COMT: variants seen among roughly 807,000 people sequenced by gnomAD.
COMT encodes the protein catechol-O-methyltransferase.
Under a neutral mutation model 18.9 loss-of-function variants are expected in COMT, and 13 were observed. The observed-to-expected ratio is 0.69, with a 90% CI of 0.45 to 1.09. The LOEUF (loss-of-function observed/expected upper bound fraction) is 1.09, where lower values mean the gene tolerates loss of function less well. Among genes scored for constraint, COMT ranks in the 50% least tolerant of loss-of-function variants. The pLI, the probability that COMT is intolerant of heterozygous loss-of-function variation, is 0.00. For synonymous variants in COMT, 150 were observed against 160.9 expected (o/e 0.93, Z 0.51); for missense variants, 329 against 361.8 (o/e 0.91, Z 0.73).
Position 19,961,445 on chromosome 22 carries a change from C to A in COMT, c.-1+156C>A, listed in dbSNP as rs557432323. On this transcript the variant is annotated intron_variant, in intron 2 of 5. Coordinates refer to ENST00000361682, the MANE Select transcript of COMT (RefSeq NM_000754.4). ...AGAAGCCTGGTGTCCGCATGACCTC[C>A]CCCTAGGGCGGAGCCTCTGCTTCCC... Among the ~76,000 whole-genome samples the A allele has an allele frequency of 1.2e-4, 19 of 152,334 alleles. No individual in the cohort carries two copies. In the East Asian group the frequency reaches 3.7e-3, roughly 29 times the overall value.
chr22:19,967,067 G>T, intron 5 of COMT: 1 of 1,221,330 alleles, frequency 8.2e-7, no homozygotes. Flanking sequence ...TTCCCCTCTT[G>T]ACCAGTTTCG....
chr22:19,962,816 G>A lies in COMT; in HGVS notation c.289+1G>A. On this transcript the variant is annotated splice_donor_variant, in intron 3 of 5. Transcript: ENST00000361682. LOFTEE classifies it high-confidence loss of function. ...GCCATGAACGTGGGCGACAAGAAAG[G>A]TGGGGTCCGGGCCAGCAGGTGCTCA... The A allele has an allele frequency of 1.9e-6, 3 of 1,602,120 alleles. No homozygotes were observed. In the South Asian group the frequency reaches 3.3e-5, roughly 18 times the overall value.
chr22:19,943,903 G>T (rs1218849197), intron 1 of COMT, among the ~76,000 whole-genome samples: 4 of 28,200 alleles, frequency 1.4e-4, no homozygotes, highest in Non-Finnish European at 3.0e-4. Context: ...GGAGCTGGAG[G>T]GGGGGTCTTC....
chr22:19,966,669 G>A (rs537415012), intron 5 of COMT, among the ~76,000 whole-genome samples: 54 of 152,150 alleles, frequency 3.5e-4, no homozygotes, highest in African/African-American at 1.3e-3. Context: ...TCAAACTCCT[G>A]GCCTCAAGCG....
Position 19,962,553 on chromosome 22 carries a change from G to C in COMT, c.27G>C (p.Leu9Phe). MPEAPPLL[L>F]AAVLLGLVLL... is the part of the protein sequence containing the mutation. ...TGCCGGAGGCCCCGCCTCTGCTGTT[G>C]GCAGCTGTGTTGCTGGGCCTGGTGC... The change falls in exon 3 of 6, where the codon TTG (leucine) becomes TTC (phenylalanine). Residue 9 changes from leucine to phenylalanine, a missense_variant. Coordinates refer to ENST00000361682, the MANE Select transcript of COMT (RefSeq NM_000754.4). 7.1e-7 allele frequency: 1 copy of C among 1,398,990 alleles called. No homozygotes were observed. The highest frequency in any genetic ancestry group is 9.5e-7 in the Non-Finnish European group (1 of 1,049,586). 86.7% of individuals were successfully genotyped at this position (1,398,990 alleles called of 1,614,324 possible).
chr22:19,943,189 C>G (rs1419574004), intron 1 of COMT, among the ~76,000 whole-genome samples: 1 of 152,148 alleles, frequency 6.6e-6, no homozygotes, highest in Non-Finnish European at 1.5e-5. Context: ...TGTCAGCACT[C>G]CCCCTGTGCA....
Position 19,941,916 on chromosome 22 carries a change from C to A in COMT, c.-92+19C>A. Reference sequence around the variant, plus strand: ...GGGAGAGGTGAGAGCGCTGGCTAGACCGGGGCCGAATGCGGCCGGATTCGG... The same window carrying A: ...GGGAGAGGTGAGAGCGCTGGCTAGAACGGGGCCGAATGCGGCCGGATTCGG... On this transcript the variant is annotated intron_variant, in intron 1 of 5. Transcript: ENST00000361682. The A allele has an allele frequency of 8.5e-7, 1 of 1,175,306 alleles. No homozygotes were observed. Among genetic ancestry groups the A allele is most frequent in the Admixed American group, 4.1e-5 (1 of 24,264 alleles). 72.8% of individuals were successfully genotyped at this position (1,175,306 alleles called of 1,614,324 possible). A position where few individuals can be genotyped will look rare whatever the true frequency, so the allele number is the denominator to read the frequency against.
chr22:19,953,166 C>T (rs987595805), intron 1 of COMT, among the ~76,000 whole-genome samples: 6 of 151,906 alleles, frequency 3.9e-5, no homozygotes, highest in Non-Finnish European at 5.9e-5. Context: ...ATGGCCTGGG[C>T]GCTGGGGGTG....
intron 1 of COMT, among the ~76,000 whole-genome samples, chr22:19,951,846 G>A (rs556436120): frequency 1.3e-5 from 2 of 152,338 alleles, no homozygotes; most frequent in South Asian, 2.1e-4. Flanking sequence ...GGTTTGCCAC[G>A]GGGGCTTACT....
At chr22:19,946,824 C>T (rs887856980) in intron 1 of COMT, among the ~76,000 whole-genome samples, 1 of 150,034 alleles carries the variant, frequency 6.7e-6, no homozygotes, top group African/African-American at 2.5e-5. Context: ...GAACTTTATA[C>T]AATATCTGGA....
rs750684179 is a variant in COMT, at chr22:19,962,682, T to C, written c.156T>C (p.Gly52=). 119 of 1,613,008 alleles carry C rather than the reference T, an allele frequency of 7.4e-5. No individual in the cohort carries two copies. The highest frequency in any genetic ancestry group is 1.0e-4 in the Non-Finnish European group (118 of 1,179,832). The change falls in exon 3 of 6, where the codon GGT becomes GGC. Residue 52 remains glycine (G), a synonymous_variant. Coordinates refer to ENST00000361682, the MANE Select transcript of COMT (RefSeq NM_000754.4). ...AGCCCATCCACAACCTGCTCATGGGTGACACCAAGGAGCAGCGCATCCTGA... is the reference window on the plus strand; with the variant it reads ...AGCCCATCCACAACCTGCTCATGGGCGACACCAAGGAGCAGCGCATCCTGA... The part of the protein sequence containing the change: ...ILQPIHNLLM[G]DTKEQRILNH...
rs201888007 is a variant in COMT, at chr22:19,953,002, AAAT to A, written c.-91-8194_-91-8192del. The stretch of plus-strand genomic sequence containing the variant: ...TAAATAAATAAATAAATAAATAAAT[AAAT>A]AAAATGAAGCAGCAGCAGCTTTGTT... On this transcript the variant is annotated intron_variant, in intron 1 of 5. Coordinates refer to ENST00000361682, the MANE Select transcript of COMT (RefSeq NM_000754.4). Among the ~76,000 whole-genome samples the A allele has an allele frequency of 6.3e-4, 26 of 41,182 alleles. No homozygotes were observed. In the East Asian group the frequency reaches 0.012, roughly 19 times the overall value. The allele number at this position is 41,182 out of a possible 152,430, so 27.0% of individuals were successfully genotyped here.
rs1942202617 is a variant in COMT at position 19,962,013 on chromosome 22, G to A, written c.1-514G>A. 3 of 183,008 alleles carry A rather than the reference G, an allele frequency of 1.6e-5. No individual in the cohort carries two copies. In the South Asian group the frequency reaches 3.5e-4, roughly 21 times the overall value. 11.3% of individuals were successfully genotyped at this position (183,008 alleles called of 1,614,324 possible). On this transcript the variant is annotated intron_variant, in intron 2 of 5. Transcript: ENST00000361682. ...CAGTGTCCTTACTTGGACACTCAAT[G>A]AAAAGGCCACATGAATCCCTGGGGC...
intron 1 of COMT, among the ~76,000 whole-genome samples, chr22:19,946,938 CAG>C (rs780348435): frequency 9.8e-6 from 1 of 101,872 alleles, no homozygotes; most frequent in Non-Finnish European, 1.8e-5. Context: ...TTTTTTGAGA[CAG>C]AGTCCCACTG....
At chr22:19,964,617 G>T (rs1942293588) in intron 5 of COMT, 1 of 599,558 alleles carries the variant, frequency 1.7e-6, no homozygotes, top group East Asian at 2.8e-5. Flanking sequence ...AACGGCACAG[G>T]ACCAAGGAGA....
In COMT at chr22:19,963,944, T is replaced by C. The variant is rs910454249; in HGVS notation, c.483+185T>C. ...GACCCCCCCAGCAGCTCAGTGAGGG[T>C]CTCACAGCTCTGGGTAAACTGCCAA... On this transcript the variant is annotated intron_variant, in intron 4 of 5. Coordinates refer to ENST00000361682, the MANE Select transcript of COMT (RefSeq NM_000754.4). The C allele has an allele frequency of 8.7e-6, 10 of 1,146,500 alleles. No homozygotes were observed. The African/African-American group carries it at 1.4e-4, about 16-fold the overall frequency. The allele number at this position is 1,146,500 out of a possible 1,614,324, so 71.0% of individuals were successfully genotyped here. A position where few individuals can be genotyped will look rare whatever the true frequency, so the allele number is the denominator to read the frequency against.
At position 19,969,936 on chromosome 22, in the gene COMT, T is replaced by G. The variant is rs1942652513; in HGVS notation, c.*1200T>G. On this transcript the variant is annotated 3_prime_UTR_variant, in exon 6 of 6. Transcript: ENST00000361682. ...AATTTTTAAATTTTCTTACAAAAATTTAGGTGTTTACCAATAGTCTTATTT... is the reference window on the plus strand; with the variant it reads ...AATTTTTAAATTTTCTTACAAAAATGTAGGTGTTTACCAATAGTCTTATTT... The G allele has an allele frequency of 7.1e-6, 7 of 985,566 alleles. No individual in the cohort carries two copies. Among genetic ancestry groups the G allele is most frequent in the East Asian group, 1.1e-4 (1 of 8,818 alleles). The allele number at this position is 985,566 out of a possible 1,614,324, so 61.1% of individuals were successfully genotyped here. A position where few individuals can be genotyped will look rare whatever the true frequency, so the allele number is the denominator to read the frequency against.
chr22:19,963,620 T>C lies in COMT; in HGVS notation c.344T>C (p.Leu115Pro), dbSNP rs749349703. 6.2e-7 allele frequency: 1 copy of C among 1,613,018 alleles called. No homozygotes were observed. Among genetic ancestry groups the C allele is most frequent in the East Asian group, 2.2e-5 (1 of 44,866 alleles). Residue 115 changes from leucine (L) to proline (P), a missense_variant, in exon 4 of 6, where the codon CTG (leucine) becomes CCG (proline). By Grantham distance (98) the Leu-to-Pro change is moderately conservative. Coordinates refer to ENST00000361682, the MANE Select transcript of COMT (RefSeq NM_000754.4). The stretch of plus-strand genomic sequence containing the variant: ...CACCAGCCCTCCGTGCTGCTGGAGC[T>C]GGGGGCCTACTGTGGCTACTCAGCT... ...QEHQPSVLLE[L>P]GAYCGYSAVR...
At position 19,956,375 on chromosome 22, in the gene COMT, T is replaced by C. The variant is rs1027886108; in HGVS notation, c.-91-4824T>C. ...CCAGGATGGTCTTGAGCTCTCTTTT[T>C]TTTTTTTTTTTTTTTTTTTGAGACG... On this transcript the variant is annotated intron_variant, in intron 1 of 5. Coordinates refer to ENST00000361682, the MANE Select transcript of COMT (RefSeq NM_000754.4). 2.0e-3 allele frequency among the ~76,000 whole-genome samples: 257 copies of C among 129,784 alleles called. 8 individuals carry two copies. The highest frequency in any genetic ancestry group is 4.3e-4 in the East Asian group (2 of 4,664). 85.1% of individuals were successfully genotyped at this position (129,784 alleles called of 152,430 possible).
Sources: gnomAD v4.1 joint callset for allele counts (sites outside exome capture counted in the v4.1 genomes callset) on GRCh38, gnomAD v4.1.1 for gene constraint, MANE v1.5 for transcripts, NCBI Gene and HGNC (gene_info 2026-07-23, HGNC 2026-07-21) for gene names.